Variants in SV2B observed in about 807,000 individuals in gnomAD.
The protein encoded by SV2B is synaptic vesicle glycoprotein 2B, also known as solute carrier family 22 member B2.
SV2B carries 41 observed loss-of-function variants against 73.9 expected under a neutral mutation model. The observed-to-expected ratio is 0.56, with a 90% CI of 0.43 to 0.72. The LOEUF (loss-of-function observed/expected upper bound fraction) is 0.72. Ranked by LOEUF, SV2B falls within the 30% of genes least tolerant of loss-of-function variation. The probability of loss-of-function intolerance (pLI) is 0.00; values close to 1 mark genes in which losing one functional copy is unlikely to be tolerated. For missense variants in SV2B, 764 were observed against 857.8 expected, an observed-to-expected ratio of 0.89 and a Z score of 1.37; for synonymous variants, 314 against 314.2, an observed-to-expected ratio of 1.00 and a Z score of 0.01.
intron 6 of SV2B, among the ~76,000 whole-genome samples, chr15:91,266,261 G>A (rs148756348): frequency 6.6e-5 from 10 of 152,320 alleles, no homozygotes; most frequent in African/African-American, 1.9e-4. Flanking sequence ...TGATGAGTCC[G>A]TTGTCCACTT....
intron 4 of SV2B, among the ~76,000 whole-genome samples, chr15:91,257,851 C>A (rs2047754412): frequency 6.6e-6 from 1 of 152,114 alleles, no homozygotes. Context: ...CCCATAGACT[C>A]AAGAAATCAA....
At position 91,129,276 on chromosome 15, in the gene SV2B, C is replaced by T. The variant is rs1440724279; in HGVS notation, c.-392+28913C>T. Among the ~76,000 whole-genome samples the T allele has an allele frequency of 1.3e-5, 2 of 152,166 alleles. No individual in the cohort carries two copies. Among genetic ancestry groups the T allele is most frequent in the Non-Finnish European group, 2.9e-5 (2 of 68,034 alleles). On this transcript the variant is annotated intron_variant, in intron 1 of 12. Coordinates refer to ENST00000394232, the MANE Select transcript of SV2B (RefSeq NM_001323032.3). This position sits in a 1 kb window ranked among gnomAD's most constrained non-coding sequence, Gnocchi z 5.1. ...AAGTTAGAGTCAAGTGGGTTGAATA[C>T]ATGTGCATTTGCATGTATTTGCATT...
In SV2B at chr15:91,128,268, G is replaced by C. The variant is rs1022690648; in HGVS notation, c.-392+27905G>C. 6.6e-6 allele frequency among the ~76,000 whole-genome samples: 1 copy of C among 152,188 alleles called. No individual in the cohort carries two copies. The highest frequency in any genetic ancestry group is 1.5e-5 in the Non-Finnish European group (1 of 68,032). ...CAGAGGCTGTTCTCCAAGAAGGTGG[G>C]ATGGGAGAGCAGGAGGAGGTGTCAG... On this transcript the variant is annotated intron_variant, in intron 1 of 12. Transcript: ENST00000394232. The surrounding 1 kb of genome is among the most constrained non-coding windows in gnomAD (Gnocchi z 4.2).
intron 1 of SV2B, among the ~76,000 whole-genome samples, chr15:91,173,939 G>T (rs188450695): frequency 6.6e-6 from 1 of 152,196 alleles, no homozygotes; most frequent in Admixed American, 6.5e-5. Flanking sequence ...TTTCATCCTT[G>T]GGATTTTGGG....
chr15:91,182,436 G>T (rs566928947), intron 1 of SV2B, among the ~76,000 whole-genome samples: 1 of 152,332 alleles, frequency 6.6e-6, no homozygotes, highest in South Asian at 2.1e-4. Context: ...TCAAAATCTA[G>T]ATGTTCCTAT....
rs910908335 is a variant in SV2B at position 91,224,678 on chromosome 15, A to G, written c.-391-1195A>G. On this transcript the variant is annotated intron_variant, in intron 1 of 12. Coordinates refer to ENST00000394232, the MANE Select transcript of SV2B (RefSeq NM_001323032.3). This position sits in a 1 kb window ranked among gnomAD's most constrained non-coding sequence, Gnocchi z 4.9. ...CTAATGCTGTGACCTTGATCGCGTT[A>G]CTAACCCACTCGGAGACAGTTTGAT... Among the ~76,000 whole-genome samples, 6 of 152,216 alleles carry G rather than the reference A, an allele frequency of 3.9e-5. No homozygotes were observed. The highest frequency in any genetic ancestry group is 5.9e-5 in the Non-Finnish European group (4 of 68,022).
At chr15:91,276,805 G>GTTATTATTATTATTATTATTATTATTA (rs3082230) in intron 9 of SV2B, among the ~76,000 whole-genome samples, 1 of 92,096 alleles carries the variant, frequency 1.1e-5, no homozygotes, top group African/African-American at 3.4e-5. Flanking sequence ...TATTGTTGTT[G>GTTATTATTATTATTATTATTATTATTA]TTATTATTAT....
intron 11 of SV2B, among the ~76,000 whole-genome samples, chr15:91,286,801 G>A (rs187919513): frequency 5.9e-5 from 9 of 152,178 alleles, no homozygotes; most frequent in African/African-American, 1.7e-4. Flanking sequence ...TAAATAAGCC[G>A]GCATTTGCAC....
chr15:91,194,688 G>A (rs2045179776), intron 1 of SV2B, among the ~76,000 whole-genome samples: 1 of 152,316 alleles, frequency 6.6e-6, no homozygotes, highest in South Asian at 2.1e-4. Context: ...AGAGAAATTC[G>A]TTACTCTGGG....
At chr15:91,209,107 G>GTTTTTTTTTTTTT (rs1362781398) in intron 1 of SV2B, among the ~76,000 whole-genome samples, 3 of 121,954 alleles carry the variant, frequency 2.5e-5, no homozygotes, top group African/African-American at 1.1e-4. Context: ...TGGCAGTACT[G>GTTTTTTTTTTTTT]TTTTTTGTTT....
At chr15:91,238,823 G>T (rs547259359) in intron 2 of SV2B, among the ~76,000 whole-genome samples, 1 of 152,286 alleles carries the variant, frequency 6.6e-6, no homozygotes, top group Admixed American at 6.5e-5. Flanking sequence ...CCGTCACTAA[G>T]TATGGAGCAG....
At chr15:91,203,231 C>A (rs998003946) in intron 1 of SV2B, among the ~76,000 whole-genome samples, 1 of 152,210 alleles carries the variant, frequency 6.6e-6, no homozygotes, top group Non-Finnish European at 1.5e-5. Context: ...CAGGTAGGGG[C>A]CTGGCCTGGC....
rs966634592 is a variant in SV2B at position 91,241,222 on chromosome 15, C to T, written c.452-10597C>T. ...CCCCTTGTTCTCACCACATTCCTCA[C>T]TGAGCTTAATGTCCATGTCCATAAT... On this transcript the variant is annotated intron_variant, in intron 2 of 12. Coordinates refer to ENST00000394232, the MANE Select transcript of SV2B (RefSeq NM_001323032.3). The surrounding 1 kb of genome is among the most constrained non-coding windows in gnomAD (Gnocchi z 4.8). Among the ~76,000 whole-genome samples, 15 of 152,184 alleles carry T rather than the reference C, an allele frequency of 9.9e-5. No homozygotes were observed. The highest frequency in any genetic ancestry group is 3.9e-4 in the Admixed American group (6 of 15,280).
Position 91,219,197 on chromosome 15 carries a change from A to G in SV2B, c.-391-6676A>G, listed in dbSNP as rs1018139750. Among the ~76,000 whole-genome samples the G allele has an allele frequency of 2.6e-5, 4 of 152,056 alleles. No homozygotes were observed. In the South Asian group the frequency reaches 6.2e-4, roughly 24 times the overall value. ...CTCCTGGTCTCAGGTGATCCACCCA[A>G]CTTGGCCTCCCAAAGTGCTGAGAGT... On this transcript the variant is annotated intron_variant, in intron 1 of 12. Coordinates refer to ENST00000394232, the MANE Select transcript of SV2B (RefSeq NM_001323032.3).
At chr15:91,187,561 A>G (rs1288358826) in intron 1 of SV2B, among the ~76,000 whole-genome samples, 1 of 152,244 alleles carries the variant, frequency 6.6e-6, no homozygotes, top group Non-Finnish European at 1.5e-5. Context: ...ACTTCAGCAC[A>G]GTAAAGCTTC....
rs111597941 is a variant in SV2B at position 91,237,596 on chromosome 15, A to G, written c.451+10882A>G. On this transcript the variant is annotated intron_variant, in intron 2 of 12. Transcript: ENST00000394232. ...TTTTTAATAGCTCCATAGTGACACT[A>G]TTGTACAGCCAGAGTAGAGAACCAC... Among the ~76,000 whole-genome samples the G allele has an allele frequency of 6.2e-3, 947 of 152,232 alleles. 11 individuals carry two copies. The highest frequency in any genetic ancestry group is 0.022 in the African/African-American group (920 of 41,450).
At chr15:91,192,075 A>G (rs550147104) in intron 1 of SV2B, among the ~76,000 whole-genome samples, 3 of 152,094 alleles carry the variant, frequency 2.0e-5, no homozygotes, top group Non-Finnish European at 4.4e-5. Context: ...GCCCACTATC[A>G]TATTAGTATT....
Position 91,296,847 on chromosome 15 carries a change from C to CTTGGGTGCACGCTCCTTCTGCCCGATCG in SV2B, c.*4300_*4301insTGCACGCTCCTTCTGCCCGATCGTTGGG. 7.3e-6 allele frequency: 1 copy of CTTGGGTGCACGCTCCTTCTGCCCGATCG among 136,402 alleles called. No individual in the cohort carries two copies. Among genetic ancestry groups the CTTGGGTGCACGCTCCTTCTGCCCGATCG allele is most frequent in the African/African-American group, 2.9e-5 (1 of 34,236 alleles). 8.4% of individuals were successfully genotyped at this position (136,402 alleles called of 1,614,324 possible). A position where few individuals can be genotyped will look rare whatever the true frequency, so the allele number is the denominator to read the frequency against. ...TGGGCTCACGCTCCTTCTGCCCGAT[C>CTTGGGTGCACGCTCCTTCTGCCCGATCG]TTGGGCGCACGCTCCTTCTGCCCGA... On this transcript the variant is annotated 3_prime_UTR_variant, in exon 13 of 13. Transcript: ENST00000394232.
At position 91,226,112 on chromosome 15, in the gene SV2B, G is replaced by T. The variant is rs141124317; in HGVS notation, c.-152G>T. ...GGTTGATTTGAGAGATAAAGGGGGG[G>T]GGAACCAGTGTGACTTTCACCTAAG... On this transcript the variant is annotated 5_prime_UTR_variant, in exon 2 of 13. Coordinates refer to ENST00000394232, the MANE Select transcript of SV2B (RefSeq NM_001323032.3). The T allele has an allele frequency of 6.2e-4, 444 of 715,332 alleles. 4 individuals carry two copies. In the African/African-American group the frequency reaches 7.3e-3, roughly 12 times the overall value. 44.3% of individuals were successfully genotyped at this position (715,332 alleles called of 1,614,324 possible). A position where few individuals can be genotyped will look rare whatever the true frequency, so the allele number is the denominator to read the frequency against.
Sources: allele counts gnomAD v4.1 joint callset (sites outside exome capture counted in the v4.1 genomes callset), GRCh38; gene constraint gnomAD v4.1.1; non-coding constraint Gnocchi (gnomAD v3.1); transcripts MANE v1.5; gene names NCBI Gene and HGNC (gene_info 2026-07-23, HGNC 2026-07-21).